Variants in CAMTA1 observed in about 807,000 individuals in gnomAD.
CAMTA1 encodes the protein calmodulin binding transcription activator 1.
CAMTA1 carries 27 observed loss-of-function variants against 170.9 expected under a neutral mutation model. That is an observed-to-expected ratio of 0.16 (90% CI 0.12 to 0.22). The LOEUF is 0.22. Among genes scored for constraint, CAMTA1 ranks in the 10% least tolerant of loss-of-function variants. The pLI is 1.00. For synonymous variants in CAMTA1, 833 were observed against 891.5 expected, an observed-to-expected ratio of 0.93 and a Z score of 1.17; for missense variants, 1,619 against 2,217.2, an observed-to-expected ratio of 0.73 and a Z score of 5.42.
intron 18 of CAMTA1, 136 bp downstream of exon 18, chr1:7,746,227 C>T: frequency 1.1e-6 from 1 of 942,748 alleles, no homozygotes; most frequent in Non-Finnish European, 1.6e-6. Flanking sequence ...TGGAAGTCTC[C>T]AATTTATTAA....
intron 5 of CAMTA1, among the ~76,000 whole-genome samples, chr1:7,305,166 A>G (rs1445006063): frequency 1.3e-5 from 2 of 152,090 alleles, no homozygotes; most frequent in Middle Eastern, 3.4e-3. Flanking sequence ...TAAATTCTGA[A>G]TTGTATTTGG....
At chr1:7,620,439 G>A (rs1338914951) in intron 6 of CAMTA1, among the ~76,000 whole-genome samples, 1 of 152,148 alleles carries the variant, frequency 6.6e-6, no homozygotes, top group African/African-American at 2.4e-5. Flanking sequence ...GAGAGGAGGT[G>A]GCTTACCAAT....
chr1:6,832,320 G>T (rs2148596390), intron 3 of CAMTA1, among the ~76,000 whole-genome samples: 1 of 152,230 alleles, frequency 6.6e-6, no homozygotes, highest in Admixed American at 6.5e-5. Flanking sequence ...CAAGCAATCT[G>T]CTTGCCTTGG....
At chr1:7,743,630 T>C (rs2096834102) in intron 16 of CAMTA1, among the ~76,000 whole-genome samples, 1 of 152,244 alleles carries the variant, frequency 6.6e-6, no homozygotes, top group African/African-American at 2.4e-5. Context: ...CTCCTTCGTG[T>C]TGGCAGGAGA....
intron 3 of CAMTA1, chr1:6,871,740 G>A (rs1668460605): frequency 6.5e-7 from 1 of 1,532,208 alleles, no homozygotes; most frequent in Non-Finnish European, 8.7e-7. Flanking sequence ...ACTTACTGGA[G>A]CTCCTTTGTT....
rs188235754 is a variant in CAMTA1 at position 6,950,666 on chromosome 1, T to C, written c.234+125456T>C. On this transcript the variant is annotated intron_variant, in intron 3 of 22. Transcript: ENST00000303635. ...TTAGTAGGTATCCCAGCCAGAAGCA[T>C]TGTGCTCCTTTGCAGCTCACTGGGC... Among the ~76,000 whole-genome samples, 304 of 152,200 alleles carry C rather than the reference T, an allele frequency of 2.0e-3. 1 individual carries two copies. The highest frequency in any genetic ancestry group is 6.8e-3 in the African/African-American group (284 of 41,530).
intron 4 of CAMTA1, among the ~76,000 whole-genome samples, chr1:7,188,572 C>A (rs556745327): frequency 6.6e-6 from 1 of 152,288 alleles, no homozygotes; most frequent in East Asian, 1.9e-4. Context: ...AAGTATTTGT[C>A]CTTTTGTGGC....
chr1:7,532,490 G>A lies in CAMTA1; in HGVS notation c.510+64589G>A, dbSNP rs562846308. Among the ~76,000 whole-genome samples the A allele has an allele frequency of 2.3e-4, 35 of 151,970 alleles. No homozygotes were observed. Among genetic ancestry groups the A allele is most frequent in the African/African-American group, 8.0e-4 (33 of 41,386 alleles). Reference sequence around the variant, plus strand: ...TTTATTTTATGTTTGTTTTAGGGACGGGGCTCTTACCATGTTGCCCAGGTT... The same window carrying A: ...TTTATTTTATGTTTGTTTTAGGGACAGGGCTCTTACCATGTTGCCCAGGTT... On this transcript the variant is annotated intron_variant, in intron 6 of 22. Coordinates refer to ENST00000303635, the MANE Select transcript of CAMTA1 (RefSeq NM_015215.4). This position sits in a 1 kb window ranked among gnomAD's most constrained non-coding sequence, Gnocchi z 4.2.
Position 7,058,448 on chromosome 1 carries a change from C to T in CAMTA1, c.235-32856C>T, listed in dbSNP as rs780988496. 7.2e-5 allele frequency among the ~76,000 whole-genome samples: 11 copies of T among 152,262 alleles called. No homozygotes were observed. The South Asian group carries it at 1.2e-3, about 17-fold the overall frequency. On this transcript the variant is annotated intron_variant, in intron 3 of 22. Transcript: ENST00000303635. ...TGCTTCTGGGCTGGTAGAAACCAGA[C>T]GCAACTCATTGCTCTGAGTTGGTGC...
chr1:7,102,753 G>A (rs1265208235), intron 4 of CAMTA1, among the ~76,000 whole-genome samples: 1 of 152,138 alleles, frequency 6.6e-6, no homozygotes, highest in East Asian at 1.9e-4. Context: ...GTTCACCAGT[G>A]TTGGGCGATG....
At chr1:7,428,435 G>A (rs1330075185) in intron 5 of CAMTA1, among the ~76,000 whole-genome samples, 2 of 144,262 alleles carry the variant, frequency 1.4e-5, no homozygotes, top group Non-Finnish European at 1.5e-5. Context: ...ACCGAGGGCC[G>A]ATCACCACAT....
chr1:6,976,173 C>A (rs1306620729), intron 3 of CAMTA1, among the ~76,000 whole-genome samples: 1 of 152,200 alleles, frequency 6.6e-6, no homozygotes, highest in Non-Finnish European at 1.5e-5. Flanking sequence ...TGCCTGGAGG[C>A]AGAGGCCCCG....
At chr1:7,528,665 G>A (rs1259041659) in intron 6 of CAMTA1, among the ~76,000 whole-genome samples, 1 of 152,078 alleles carries the variant, frequency 6.6e-6, no homozygotes, top group East Asian at 1.9e-4. Context: ...TTGACAGATG[G>A]GAATACCGAG....
At chr1:6,864,294 G>A (rs1665816782) in intron 3 of CAMTA1, among the ~76,000 whole-genome samples, 1 of 152,122 alleles carries the variant, frequency 6.6e-6, no homozygotes, top group South Asian at 2.1e-4. Context: ...AGCCACTGCT[G>A]CAGTCCAAGC....
intron 5 of CAMTA1, among the ~76,000 whole-genome samples, chr1:7,385,375 C>A (rs6677949): frequency 0.93 from 142,149 of 152,294 alleles, 66,400 homozygotes; most frequent in East Asian, 1. Flanking sequence ...AGAACAAATA[C>A]AGCTGCTTAG....
intron 6 of CAMTA1, among the ~76,000 whole-genome samples, chr1:7,511,306 T>G (rs2094198749): frequency 6.9e-6 from 1 of 145,578 alleles, no homozygotes; most frequent in Non-Finnish European, 1.5e-5. Flanking sequence ...TCCGTGACCT[T>G]GAGTGTCCAC....
intron 3 of CAMTA1, among the ~76,000 whole-genome samples, chr1:6,870,402 G>C (rs1668071018): frequency 2.0e-5 from 3 of 152,070 alleles, no homozygotes; most frequent in Non-Finnish European, 4.4e-5. Context: ...CTAACACTCG[G>C]ACCGAGTGCA....
intron 5 of CAMTA1, among the ~76,000 whole-genome samples, chr1:7,288,066 C>A (rs1000287898): frequency 6.6e-6 from 1 of 152,118 alleles, no homozygotes; most frequent in Non-Finnish European, 1.5e-5. Flanking sequence ...TCTAGAGAAC[C>A]CCATGGACCA....
Position 7,738,655 on chromosome 1 carries a change from G to A in CAMTA1, c.4182+173G>A, listed in dbSNP as rs1042622756. On this transcript the variant is annotated intron_variant, in intron 16 of 22. Coordinates refer to ENST00000303635, the MANE Select transcript of CAMTA1 (RefSeq NM_015215.4). This position sits in a 1 kb window ranked among gnomAD's most constrained non-coding sequence, Gnocchi z 4.9. ...TTTCCTTGGGGCCACATTTTCATTC[G>A]GTGAATCGGGCACCGGGAGTAGGGC... Among the ~76,000 whole-genome samples, 1 of 152,118 alleles carries A rather than the reference G, an allele frequency of 6.6e-6. No homozygotes were observed. Among genetic ancestry groups the A allele is most frequent in the African/African-American group, 2.4e-5 (1 of 41,420 alleles).
Sources: gnomAD v4.1 joint callset for allele counts (sites outside exome capture counted in the v4.1 genomes callset) on GRCh38, gnomAD v4.1.1 for gene constraint, Gnocchi (gnomAD v3.1) non-coding constraint, MANE v1.5 for transcripts, NCBI Gene and HGNC (gene_info 2026-07-23, HGNC 2026-07-21) for gene names.